ILRUN: variants seen among roughly 807,000 people sequenced by gnomAD.
ILRUN encodes protein ILRUN.
A neutral mutation model predicts 33.8 loss-of-function variants in ILRUN; 3 were observed. The observed-to-expected ratio is 0.09, with a 90% CI of 0.04 to 0.23. ILRUN has a LOEUF of 0.23. ILRUN is among the 10% of genes least tolerant of loss of function. The probability of loss-of-function intolerance (pLI) is 1.00; values close to 1 mark genes in which losing one functional copy is unlikely to be tolerated. For missense variants in ILRUN, 210 were observed against 375.1 expected, an observed-to-expected ratio of 0.56 and a Z score of 3.64; for synonymous variants, 124 against 138.9, an observed-to-expected ratio of 0.89 and a Z score of 0.75.
chr6:34,616,862 A>T, intron 3 of ILRUN: 1 of 682,224 alleles, frequency 1.5e-6, no homozygotes, highest in African/African-American at 1.8e-5. Flanking sequence ...CCTTCATCAA[A>T]TCTTTAATGG....
chr6:34,616,769 G>T, intron 3 of ILRUN: 1 of 699,396 alleles, frequency 1.4e-6, no homozygotes, highest in Non-Finnish European at 2.6e-6. Flanking sequence ...TGTACCTGCA[G>T]AACTCAAATT....
chr6:34,616,687 C>A, intron 3 of ILRUN: 2 of 957,688 alleles, frequency 2.1e-6, no homozygotes, highest in Non-Finnish European at 3.3e-6. Context: ...TTATCTATCA[C>A]AAGGAATATA....
chr6:34,622,415 A>G (rs1388674224), intron 3 of ILRUN, among the ~76,000 whole-genome samples: 1 of 152,206 alleles, frequency 6.6e-6, no homozygotes, highest in African/African-American at 2.4e-5. Context: ...ACTTGAATAC[A>G]CATTTCTATA....
At chr6:34,600,680 A>C (rs531314488) in intron 4 of ILRUN, among the ~76,000 whole-genome samples, 42 of 152,358 alleles carry the variant, frequency 2.8e-4, no homozygotes, top group African/African-American at 8.9e-4. Flanking sequence ...GTTTCTAGGT[A>C]ATCTTTTCCC....
At chr6:34,693,519 C>T (rs993983209) in intron 1 of ILRUN, among the ~76,000 whole-genome samples, 5 of 151,950 alleles carry the variant, frequency 3.3e-5, no homozygotes, top group African/African-American at 1.2e-4. Context: ...CCACACCTGG[C>T]CCAGAACACA....
intron 3 of ILRUN, among the ~76,000 whole-genome samples, chr6:34,640,711 A>C (rs1265480199): frequency 7.0e-6 from 1 of 142,456 alleles, no homozygotes; most frequent in Non-Finnish European, 1.5e-5. Context: ...TCCGTCTCAA[A>C]TAAATGAATG....
chr6:34,693,211 T>G (rs1763682342), intron 1 of ILRUN, among the ~76,000 whole-genome samples: 2 of 152,206 alleles, frequency 1.3e-5, no homozygotes, highest in South Asian at 4.1e-4. Context: ...CACAAATGAT[T>G]TTTCATTTTA....
Position 34,590,443 on chromosome 6 carries a change from G to A in ILRUN, c.*122C>T. ...CTGCTTCTTCCTCTTCTTCCGGGAT[G>A]AGAGGGGGTCAGAGCCAGGGGTCTG... is the stretch of plus-strand genomic sequence containing the variant. On this transcript the variant is annotated 3_prime_UTR_variant, in exon 5 of 5. Transcript: ENST00000374023. 1.4e-6 allele frequency: 2 copies of A among 1,397,450 alleles called. No homozygotes were observed. Among genetic ancestry groups the A allele is most frequent in the African/African-American group, 1.4e-5 (1 of 70,270 alleles). The allele number at this position is 1,397,450 out of a possible 1,614,324, so 86.6% of individuals were successfully genotyped here. A position where few individuals can be genotyped will look rare whatever the true frequency, so the allele number is the denominator to read the frequency against.
intron 1 of ILRUN, among the ~76,000 whole-genome samples, chr6:34,657,067 T>C (rs565421495): frequency 6.6e-6 from 1 of 152,294 alleles, no homozygotes; most frequent in East Asian, 1.9e-4. Context: ...TAGAAGTATA[T>C]CTGGAATTAG....
In ILRUN at chr6:34,592,556, G is replaced by A. The variant is rs1369887788; in HGVS notation, c.862-1956C>T. On this transcript the variant is annotated intron_variant, in intron 4 of 4. Transcript: ENST00000374023. This position sits in a 1 kb window ranked among gnomAD's most constrained non-coding sequence, Gnocchi z 4.0. ...TCAGAGGTATCAAGTTCACGCAAAA[G>A]TAATTGCAGTTTTTGCCATTATTTT... 6.6e-6 allele frequency among the ~76,000 whole-genome samples: 1 copy of A among 152,186 alleles called. No individual in the cohort carries two copies. The highest frequency in any genetic ancestry group is 1.5e-5 in the Non-Finnish European group (1 of 68,038).
intron 3 of ILRUN, among the ~76,000 whole-genome samples, chr6:34,640,611 G>A (rs560807692): frequency 2.3e-4 from 35 of 152,224 alleles, no homozygotes; most frequent in African/African-American, 8.4e-4. Context: ...TTGGGAGGCT[G>A]AGGCAGAAGA....
chr6:34,651,337 G>T (rs1762664152), intron 2 of ILRUN, among the ~76,000 whole-genome samples: 1 of 152,036 alleles, frequency 6.6e-6, no homozygotes, highest in Non-Finnish European at 1.5e-5. Context: ...TTAAACTGAG[G>T]TTACAAAGCA....
chr6:34,642,107 T>C lies in ILRUN; in HGVS notation c.511+4494A>G, dbSNP rs569898827. Among the ~76,000 whole-genome samples, 72 of 152,342 alleles carry C rather than the reference T, an allele frequency of 4.7e-4. No individual in the cohort carries two copies. In the Middle Eastern group the frequency reaches 0.01, roughly 22 times the overall value. On this transcript the variant is annotated intron_variant, in intron 3 of 4. Transcript: ENST00000374023. ...AGTTTGAATCCACTATGGAAGATCA[T>C]TGATGCTTTACAAAAAGTTTATGGG...
intron 3 of ILRUN, among the ~76,000 whole-genome samples, chr6:34,630,809 C>CTGGCTTGTTCTA (rs145275446): frequency 0.041 from 6,300 of 152,202 alleles, 387 homozygotes; most frequent in Admixed American, 0.13. Flanking sequence ...ATCACTGTAC[C>CTGGCTTGTTCTA]TGGCTTGTTC....
chr6:34,612,416 AAATAAT>A (rs1288433566), intron 3 of ILRUN, among the ~76,000 whole-genome samples: 2 of 152,124 alleles, frequency 1.3e-5, no homozygotes, highest in Non-Finnish European at 2.9e-5. Flanking sequence ...CTGTCTCAAA[AAATAAT>A]AATAATAAAA....
intron 1 of ILRUN, among the ~76,000 whole-genome samples, chr6:34,681,606 A>G (rs577826395): frequency 5.7e-4 from 87 of 152,268 alleles, no homozygotes; most frequent in Non-Finnish European, 1.1e-3. Context: ...CATTTTAAAA[A>G]TAAAAAAATA....
At chr6:34,668,676 C>A (rs1261153172) in intron 1 of ILRUN, among the ~76,000 whole-genome samples, 2 of 152,066 alleles carry the variant, frequency 1.3e-5, no homozygotes, top group African/African-American at 2.4e-5. Context: ...AACTCTGAAA[C>A]CTTCTTTTCT....
intron 2 of ILRUN, among the ~76,000 whole-genome samples, chr6:34,651,615 C>A (rs16892386): frequency 0.16 from 24,519 of 151,876 alleles, 2,626 homozygotes; most frequent in African/African-American, 0.3. Flanking sequence ...GAAGAGCTCA[C>A]AGAAAGCCAG....
chr6:34,637,218 C>A (rs1412341937), intron 3 of ILRUN, among the ~76,000 whole-genome samples: 9 of 152,040 alleles, frequency 5.9e-5, no homozygotes, highest in Non-Finnish European at 1.5e-5. Flanking sequence ...CTATATCTGG[C>A]CTAAGCTATA....
Sources: gnomAD v4.1 joint callset for allele counts (sites outside exome capture counted in the v4.1 genomes callset) on GRCh38, gnomAD v4.1.1 for gene constraint, Gnocchi (gnomAD v3.1) non-coding constraint, MANE v1.5 for transcripts, NCBI Gene and HGNC (gene_info 2026-07-23, HGNC 2026-07-21) for gene names.